The following TBC1D5 variants were observed in gnomAD, a reference collection of about 807,000 sequenced individuals.
TBC1D5 encodes TBC1 domain family member 5.
TBC1D5 carries 75 observed loss-of-function variants against 100.3 expected under a neutral mutation model. The ratio of observed to expected loss-of-function variants is 0.75; its 90% CI spans 0.62 to 0.91. The LOEUF is 0.91. Ranked by LOEUF, TBC1D5 falls within the 40% of genes least tolerant of loss-of-function variation. TBC1D5 has a pLI of 0.00. For missense variants in TBC1D5, 910 were observed against 942.4 expected (o/e 0.97, Z 0.45); for synonymous variants, 323 against 325.6 (o/e 0.99, Z 0.09).
At chr3:17,342,074 T>A (rs918704659) in intron 13 of TBC1D5, among the ~76,000 whole-genome samples, 4 of 152,184 alleles carry the variant, frequency 2.6e-5, no homozygotes, top group African/African-American at 9.6e-5. Flanking sequence ...GCCACAGATA[T>A]CTTTCTAAGA....
chr3:17,268,071 G>C (rs2079021916), intron 15 of TBC1D5, among the ~76,000 whole-genome samples: 1 of 151,878 alleles, frequency 6.6e-6, no homozygotes, highest in East Asian at 1.9e-4. Flanking sequence ...CTATATAGGG[G>C]AAAGTATGTC....
intron 2 of TBC1D5, among the ~76,000 whole-genome samples, chr3:17,571,689 A>G (rs2096628237): frequency 6.6e-6 from 1 of 151,932 alleles, no homozygotes; most frequent in East Asian, 1.9e-4. Context: ...CTCTTACTCT[A>G]CACCTAATTT....
At chr3:17,378,325 T>C (rs2092791967) in intron 9 of TBC1D5, among the ~76,000 whole-genome samples, 1 of 143,404 alleles carries the variant, frequency 7.0e-6, no homozygotes, top group Non-Finnish European at 1.5e-5. Flanking sequence ...ACCATTAAGC[T>C]GTCTCCAGAA....
At chr3:17,157,269 G>A (rs1245741762) in exon 22 of TBC1D5, 2 of 152,232 alleles carry the variant, frequency 1.3e-5, no homozygotes, top group African/African-American at 2.4e-5. Context: ...AAAGATGGAT[G>A]AGAAAAAAGC....
chr3:17,359,949 G>A (rs1244105824), intron 13 of TBC1D5, among the ~76,000 whole-genome samples: 2 of 151,900 alleles, frequency 1.3e-5, no homozygotes, highest in Non-Finnish European at 2.9e-5. Flanking sequence ...TTAATTCTAG[G>A]ATGTTTTACC....
At chr3:17,664,273 T>C (rs1336275419) in intron 1 of TBC1D5, among the ~76,000 whole-genome samples, 1 of 152,154 alleles carries the variant, frequency 6.6e-6, no homozygotes, top group Non-Finnish European at 1.5e-5. Context: ...GGTTTCATCA[T>C]ATTGGCCAGG....
At chr3:17,191,012 C>G (rs554376763) in intron 18 of TBC1D5, among the ~76,000 whole-genome samples, 1 of 152,084 alleles carries the variant, frequency 6.6e-6, no homozygotes, top group African/African-American at 2.4e-5. Flanking sequence ...AACACATACA[C>G]GGTGTGAATG....
intron 13 of TBC1D5, among the ~76,000 whole-genome samples, chr3:17,369,424 A>T (rs906376529): frequency 6.6e-5 from 10 of 152,178 alleles, no homozygotes; most frequent in African/African-American, 2.4e-4. Context: ...TTTAATTCTC[A>T]CAGGCACCCT....
chr3:17,189,557 G>A (rs1315858100), intron 18 of TBC1D5, among the ~76,000 whole-genome samples: 3 of 152,200 alleles, frequency 2.0e-5, no homozygotes, highest in Non-Finnish European at 4.4e-5. Context: ...CAGACACTGA[G>A]CTTTGCTGTA....
chr3:17,736,901 C>T (rs910072788), intron 1 of TBC1D5, among the ~76,000 whole-genome samples: 1 of 151,990 alleles, frequency 6.6e-6, no homozygotes, highest in Admixed American at 6.5e-5. Flanking sequence ...TAGTCCCAGC[C>T]ACTCAGGAGG....
intron 3 of TBC1D5, among the ~76,000 whole-genome samples, chr3:17,434,838 C>T (rs2094507198): frequency 6.6e-6 from 1 of 152,160 alleles, no homozygotes; most frequent in Admixed American, 6.5e-5. Context: ...ACTACATTGT[C>T]ATCCTGCAAA....
intron 13 of TBC1D5, among the ~76,000 whole-genome samples, chr3:17,311,148 C>G (rs986451323): frequency 1.3e-5 from 2 of 151,958 alleles, no homozygotes; most frequent in Non-Finnish European, 2.9e-5. Flanking sequence ...AATTAACATG[C>G]TTTTATTGCA....
chr3:17,205,130 T>C (rs1032360266), intron 18 of TBC1D5, among the ~76,000 whole-genome samples: 1 of 152,248 alleles, frequency 6.6e-6, no homozygotes, highest in African/African-American at 2.4e-5. Flanking sequence ...TATCTATTCA[T>C]TTCAATAAAC....
intron 13 of TBC1D5, among the ~76,000 whole-genome samples, chr3:17,327,063 C>G (rs2086242561): frequency 6.6e-6 from 1 of 152,176 alleles, no homozygotes; most frequent in Admixed American, 6.5e-5. Flanking sequence ...ACACCATTAT[C>G]TTTCACCTTG....
intron 2 of TBC1D5, among the ~76,000 whole-genome samples, chr3:17,594,129 C>T (rs2060412975): frequency 1.3e-5 from 2 of 152,162 alleles, no homozygotes; most frequent in African/African-American, 4.8e-5. Flanking sequence ...AAGATTGCCA[C>T]CTGGACACTT....
At chr3:17,562,516 CAAA>C (rs528694924) in intron 2 of TBC1D5, among the ~76,000 whole-genome samples, 1 of 136,010 alleles carries the variant, frequency 7.4e-6, no homozygotes, top group Non-Finnish European at 1.6e-5. Flanking sequence ...TGACTTAAAA[CAAA>C]AAAAAAAAAG....
chr3:17,627,919 C>T (rs2063189915), intron 1 of TBC1D5, among the ~76,000 whole-genome samples: 1 of 152,174 alleles, frequency 6.6e-6, no homozygotes, highest in South Asian at 2.1e-4. Flanking sequence ...TATTCACTTT[C>T]GTATTTTTTC....
intron 1 of TBC1D5, among the ~76,000 whole-genome samples, chr3:17,696,808 G>C (rs1177643877): frequency 6.6e-6 from 1 of 152,114 alleles, no homozygotes; most frequent in African/African-American, 2.4e-5. Context: ...CAGAAAAAAA[G>C]AATTTTAGAC....
intron 15 of TBC1D5, among the ~76,000 whole-genome samples, chr3:17,287,241 T>C (rs1452820655): frequency 2.0e-5 from 3 of 152,220 alleles, no homozygotes; most frequent in Admixed American, 6.5e-5. Flanking sequence ...GAATGAGGCA[T>C]GGCACTTGAA....
Sources: allele counts gnomAD v4.1 joint callset (sites outside exome capture counted in the v4.1 genomes callset), GRCh38; gene constraint gnomAD v4.1.1; transcripts MANE v1.5; gene names NCBI Gene and HGNC (gene_info 2026-07-23, HGNC 2026-07-21).